CFAP74: variants seen among roughly 807,000 people sequenced by gnomAD.
The protein encoded by CFAP74 is cilia- and flagella-associated protein 74.
A neutral mutation model predicts 188.9 loss-of-function variants in CFAP74; 124 were observed. The observed-to-expected ratio is 0.66, with a 90% CI of 0.57 to 0.76. The LOEUF (loss-of-function observed/expected upper bound fraction) is 0.76. CFAP74 is among the 30% of genes least tolerant of loss of function. CFAP74 has a pLI of 0.00. For synonymous variants in CFAP74, 956 were observed against 916.7 expected, an observed-to-expected ratio of 1.04 and a Z score of -0.77; for missense variants, 2,198 against 2,165.2, an observed-to-expected ratio of 1.02 and a Z score of -0.30.
chr1:1,988,454 T>C, intron 4 of CFAP74, 58 bp downstream of exon 4: 3 of 1,594,326 alleles, frequency 1.9e-6, no homozygotes, highest in South Asian at 1.1e-5. Context: ...GCTGCACCCA[T>C]GTCACGGCCT....
intron 6 of CFAP74, among the ~76,000 whole-genome samples, chr1:1,976,203 G>A (rs896908775): frequency 3.9e-5 from 6 of 152,236 alleles, no homozygotes; most frequent in Non-Finnish European, 7.3e-5. Context: ...CCTCCAGGGC[G>A]GATTTGGTTT....
intron 15 of CFAP74, among the ~76,000 whole-genome samples, chr1:1,959,463 G>T (rs1337572567): frequency 6.6e-6 from 1 of 151,910 alleles, no homozygotes; most frequent in African/African-American, 2.4e-5. Context: ...ACGGGGTCTC[G>T]CCATGTTGCC....
At chr1:1,961,488 C>T (rs1655087915) in intron 14 of CFAP74, among the ~76,000 whole-genome samples, 1 of 152,154 alleles carries the variant, frequency 6.6e-6, no homozygotes, top group African/African-American at 2.4e-5. Context: ...TGGCCTCAAC[C>T]TGTTGAGAGA....
rs1041086361 is a variant in CFAP74 at position 1,942,733 on chromosome 1, C to T, written c.2487-577G>A. The stretch of plus-strand genomic sequence containing the variant: ...CTTAAGCCAACGGCCTCCTCAGGAC[C>T]ACCTGGAGCCTCCCTGTTCCCACAG... On this transcript the variant is annotated intron_variant, in intron 21 of 38. Coordinates refer to ENST00000682832, the MANE Select transcript of CFAP74 (RefSeq NM_001304360.2). The surrounding 1 kb of genome is among the most constrained non-coding windows in gnomAD (Gnocchi z 4.3). 6.6e-6 allele frequency among the ~76,000 whole-genome samples: 1 copy of T among 152,200 alleles called. No homozygotes were observed. The highest frequency in any genetic ancestry group is 2.4e-5 in the African/African-American group (1 of 41,444).
At chr1:1,929,222 G>A (rs997375098) in intron 26 of CFAP74, among the ~76,000 whole-genome samples, 18 of 148,352 alleles carry the variant, frequency 1.2e-4, no homozygotes, top group African/African-American at 3.8e-4. Flanking sequence ...TTTGACGGGC[G>A]AGTCCCACAC....
At chr1:2,002,421 C>T (rs1257905431) in intron 1 of CFAP74, among the ~76,000 whole-genome samples, 1 of 151,148 alleles carries the variant, frequency 6.6e-6, no homozygotes, top group African/African-American at 2.4e-5. Context: ...GGCTCACCGC[C>T]TGTAATTCCA....
chr1:1,995,715 C>G (rs1427068037), intron 1 of CFAP74, among the ~76,000 whole-genome samples: 1 of 151,750 alleles, frequency 6.6e-6, no homozygotes, highest in Non-Finnish European at 1.5e-5. Context: ...CGAGACCATC[C>G]TGGCTAACAC....
At chr1:1,941,195 G>A (rs1409302731) in intron 22 of CFAP74, among the ~76,000 whole-genome samples, 1 of 152,218 alleles carries the variant, frequency 6.6e-6, no homozygotes, top group Non-Finnish European at 1.5e-5. Context: ...ACAGGCGGCC[G>A]GCGGGGGCAA....
rs1014271068 is a variant in CFAP74, at chr1:1,923,168, G to A, written c.4523-23C>T. The A allele has an allele frequency of 1.3e-6, 2 of 1,593,600 alleles. No homozygotes were observed. The highest frequency in any genetic ancestry group is 3.6e-5 in the Admixed American group (2 of 54,868). ...TGGCTGGAGGGGTGTGGCCAGGGGAGCTGTTCAGGGTCAGGCTGAGGCATG... is the reference window on the plus strand; with the variant it reads ...TGGCTGGAGGGGTGTGGCCAGGGGAACTGTTCAGGGTCAGGCTGAGGCATG... On this transcript the variant is annotated intron_variant, in intron 36 of 38. Coordinates refer to ENST00000682832, the MANE Select transcript of CFAP74 (RefSeq NM_001304360.2). This position sits in a 1 kb window ranked among gnomAD's most constrained non-coding sequence, Gnocchi z 6.3.
intron 25 of CFAP74, among the ~76,000 whole-genome samples, chr1:1,938,087 ACACT>A (rs1161729972): frequency 6.8e-6 from 1 of 147,174 alleles, no homozygotes; most frequent in African/African-American, 2.6e-5. Context: ...ACACGCACTC[ACACT>A]CAACCTTACA....
chr1:1,999,975 C>G (rs1035768586), intron 1 of CFAP74, among the ~76,000 whole-genome samples: 4 of 152,224 alleles, frequency 2.6e-5, no homozygotes, highest in South Asian at 4.1e-4. Context: ...ACCATCCTGG[C>G]TAACACGGTG....
intron 6 of CFAP74, among the ~76,000 whole-genome samples, chr1:1,978,487 C>A (rs1656590409): frequency 6.6e-6 from 1 of 152,068 alleles, no homozygotes; most frequent in Non-Finnish European, 1.5e-5. Flanking sequence ...TAGATGGGGA[C>A]CCCACTCAAG....
intron 25 of CFAP74, 84 bp downstream of exon 25, chr1:1,938,771 G>A (rs2803323): frequency 0.81 from 1,168,434 of 1,441,974 alleles, 474,531 homozygotes; most frequent in African/African-American, 0.92. Flanking sequence ...GGTCAGGGGC[G>A]GGGATGTGGT....
Position 1,963,856 on chromosome 1 carries a change from A to C in CFAP74, c.1587T>G (p.Ile529Met). 6.2e-7 allele frequency: 1 copy of C among 1,612,008 alleles called. No homozygotes were observed. The highest frequency in any genetic ancestry group is 1.3e-5 in the African/African-American group (1 of 74,976). ...PELLHFQDFD[I>M]GKVYKKKITL... is the part of the protein sequence containing the mutation. ...TGATCTTTTTCTTGTACACTTTGCC[A>C]ATATCAAAGTCCTGGGAAAGGCCGA... The change falls in exon 14 of 39, where the codon ATT becomes ATG. Residue 529 changes from isoleucine to methionine, a missense_variant. Transcript: ENST00000682832.
At chr1:1,956,583 G>C in intron 17 of CFAP74, 37 bp downstream of exon 17, 1 of 1,612,176 alleles carries the variant, frequency 6.2e-7, no homozygotes, top group Non-Finnish European at 8.5e-7. Context: ...TGGGGGGCAG[G>C]TCCCCACACT....
At chr1:1,991,217 T>C (rs2102109349) in intron 1 of CFAP74, among the ~76,000 whole-genome samples, 1 of 152,344 alleles carries the variant, frequency 6.6e-6, no homozygotes, top group East Asian at 1.9e-4. Flanking sequence ...GGCTCATGCC[T>C]GTAATCCCAG....
Position 1,970,825 on chromosome 1 carries a change from C to A in CFAP74, c.889-9G>T, listed in dbSNP as rs115407585. ...AACTTCCGCAGTGTGTCCTTGGAAA[C>A]AGAGAGCACTGAGATGACAGCAGCA... is the stretch of plus-strand genomic sequence containing the variant. On this transcript the variant is annotated splice_polypyrimidine_tract_variant and intron_variant, in intron 9 of 38. Transcript: ENST00000682832. 1.9e-6 allele frequency: 3 copies of A among 1,613,664 alleles called. No homozygotes were observed. In the Admixed American group the frequency reaches 5.0e-5, roughly 27 times the overall value.
chr1:1,924,395 C>T lies in CFAP74; in HGVS notation c.4230G>A (p.Val1410=). ...CACCCCCCACCCCCCGCTCACCGAC[C>T]ACCTCCGTCCTCTGGGAGGGCGAGC... ...FLSSPSQRTE[V]VGTQNLNGQS... is the part of the protein sequence containing the mutation. The change falls in exon 34 of 39, where the codon GTG becomes GTA. Residue 1410 remains valine, a synonymous_variant. Coordinates refer to ENST00000682832, the MANE Select transcript of CFAP74 (RefSeq NM_001304360.2). 3.0e-6 allele frequency: 3 copies of T among 1,009,192 alleles called. No individual in the cohort carries two copies. The highest frequency in any genetic ancestry group is 1.4e-5 in the South Asian group (1 of 69,856). 62.5% of individuals were successfully genotyped at this position (1,009,192 alleles called of 1,614,324 possible).
At position 1,956,671 on chromosome 1, in the gene CFAP74, C is replaced by T; in HGVS notation, c.1965G>A (p.Leu655=). Residue 655 remains leucine, a synonymous_variant, in exon 17 of 39, where the codon CTG becomes CTA. Coordinates refer to ENST00000682832, the MANE Select transcript of CFAP74 (RefSeq NM_001304360.2). ...CCATCTCACAGGGCTCTGAAGCTGG[C>T]AGGAACTTGAAAGTCGTGCCCAAGC... ...VGGLGTTFKF[L]PASEPCEMDD... 1 of 1,614,138 alleles carries T rather than the reference C, an allele frequency of 6.2e-7. No individual in the cohort carries two copies. Among genetic ancestry groups the T allele is most frequent in the East Asian group, 2.2e-5 (1 of 44,870 alleles).
Sources: allele counts gnomAD v4.1 joint callset (sites outside exome capture counted in the v4.1 genomes callset), GRCh38; gene constraint gnomAD v4.1.1; non-coding constraint Gnocchi (gnomAD v3.1); transcripts MANE v1.5; gene names NCBI Gene and HGNC (gene_info 2026-07-23, HGNC 2026-07-21).